ZNF600: variants seen among roughly 807,000 people sequenced by gnomAD.
ZNF600 encodes zinc finger protein 600, also known as zinc finger protein KR-ZNF1.
ZNF600 carries 4 observed loss-of-function variants against 7.3 expected under a neutral mutation model. That is an observed-to-expected ratio of 0.55 (90% CI 0.27 to 1.25). ZNF600 has a LOEUF of 1.25. Ranked by LOEUF, ZNF600 falls within the 50% of genes most tolerant of loss-of-function variation. The probability of loss-of-function intolerance (pLI) is 0.12; values close to 1 mark genes in which losing one functional copy is unlikely to be tolerated. For missense variants in ZNF600, 911 were observed against 922.1 expected (o/e 0.99, Z 0.16); for synonymous variants, 290 against 308.9 (o/e 0.94, Z 0.64).
the ZNF600 span, among the ~76,000 whole-genome samples, chr19:52,792,796 G>T: frequency 1.3e-5 from 2 of 151,002 alleles, no homozygotes; most frequent in African/African-American, 4.9e-5. Flanking sequence ...GCAGTGTTAG[G>T]ATCTCGGCTC....
At chr19:52,788,580 C>T (rs1417042626), upstream of ZNF600, among the ~76,000 whole-genome samples, 2 of 152,134 alleles carry the variant, frequency 1.3e-5, no homozygotes, top group Non-Finnish European at 2.9e-5. Flanking sequence ...CACAGGAAGA[C>T]CTACAAGGGC....
chr19:52,824,384 C>T, the ZNF600 span, among the ~76,000 whole-genome samples: 4 of 152,076 alleles, frequency 2.6e-5, no homozygotes, highest in African/African-American at 7.2e-5. Flanking sequence ...CCTGCAATCC[C>T]GGCACTTTGG....
upstream of ZNF600, among the ~76,000 whole-genome samples, chr19:52,790,037 G>C (rs915989293): frequency 2.0e-5 from 3 of 152,148 alleles, no homozygotes; most frequent in Non-Finnish European, 2.9e-5. Flanking sequence ...AATTTCACAA[G>C]GTAATGTCAT....
chr19:52,805,482 C>T, the ZNF600 span: 6 of 151,380 alleles, frequency 4.0e-5, no homozygotes, highest in African/African-American at 1.2e-4. Context: ...CAAAACTTAG[C>T]TGGGTGTAGT....
the ZNF600 span, among the ~76,000 whole-genome samples, chr19:52,811,891 G>A: frequency 7.5e-6 from 1 of 134,068 alleles, no homozygotes; most frequent in Non-Finnish European, 1.6e-5. Flanking sequence ...GGGAGGTGGG[G>A]GGGACAGCCC....
At chr19:52,773,351 A>C (rs1221063196) in intron 3 of ZNF600, among the ~76,000 whole-genome samples, 1 of 152,228 alleles carries the variant, frequency 6.6e-6, no homozygotes, top group Non-Finnish European at 1.5e-5. Context: ...GATCCAAAAA[A>C]GCAGCAGTAT....
chr19:52,801,122 T>C, the ZNF600 span: 2 of 1,614,136 alleles, frequency 1.2e-6, no homozygotes, highest in South Asian at 1.1e-5. Context: ...ATTTACATTG[T>C]TTCTCTTCTA....
the ZNF600 span, among the ~76,000 whole-genome samples, chr19:52,821,858 G>C: frequency 6.6e-6 from 1 of 151,446 alleles, no homozygotes; most frequent in East Asian, 1.9e-4. Context: ...GGCCGAGATC[G>C]AGCCACTGCA....
the ZNF600 span, among the ~76,000 whole-genome samples, chr19:52,808,674 C>A: frequency 6.6e-6 from 1 of 150,428 alleles, no homozygotes. Context: ...ATTAGCTGGA[C>A]CTGGTGGCAG....
chr19:52,803,059 C>A, the ZNF600 span, among the ~76,000 whole-genome samples: 1 of 151,052 alleles, frequency 6.6e-6, no homozygotes, highest in East Asian at 2.0e-4. Context: ...CCGCACACGG[C>A]CGACTTTTAA....
chr19:52,806,058 T>C, the ZNF600 span: 2 of 152,150 alleles, frequency 1.3e-5, no homozygotes, highest in Non-Finnish European at 2.9e-5. Flanking sequence ...ACTAAACTTT[T>C]TTCATATTTA....
the ZNF600 span, chr19:52,798,768 T>G: frequency 1.5e-6 from 1 of 650,276 alleles, no homozygotes; most frequent in Non-Finnish European, 2.7e-6. Flanking sequence ...TTATTACACT[T>G]GTAAGATCTC....
At chr19:52,829,564 G>A in the ZNF600 span, among the ~76,000 whole-genome samples, 2 of 151,770 alleles carry the variant, frequency 1.3e-5, no homozygotes, top group African/African-American at 4.8e-5. Flanking sequence ...AGTAGAGATG[G>A]GGTTTTACCA....
chr19:52,774,555 G>A lies in ZNF600; in HGVS notation c.190+20C>T, dbSNP rs1369010867. The A allele has an allele frequency of 2.0e-5, 20 of 984,484 alleles. No homozygotes were observed. The East Asian group carries it at 4.6e-4, about 22-fold the overall frequency. 61.0% of individuals were successfully genotyped at this position (984,484 alleles called of 1,614,324 possible). A position where few individuals can be genotyped will look rare whatever the true frequency, so the allele number is the denominator to read the frequency against. ...GACAAGAGCAGACTCCTCATGTCTG[G>A]GGGACATCATTTTCCTCACCCACAG... On this transcript the variant is annotated intron_variant, in intron 3 of 3. Transcript: ENST00000648973.
chr19:52,827,342 G>A, the ZNF600 span, among the ~76,000 whole-genome samples: 2 of 151,786 alleles, frequency 1.3e-5, no homozygotes, highest in Non-Finnish European at 2.9e-5. Context: ...TTTCCAGAAT[G>A]CACAAGATAT....
rs2062696404 is a variant in ZNF600, at chr19:52,778,723, T to C, written c.63+103A>G. 2.0e-6 allele frequency: 3 copies of C among 1,467,978 alleles called. No individual in the cohort carries two copies. In the East Asian group the frequency reaches 7.1e-5, roughly 35 times the overall value. The allele number at this position is 1,467,978 out of a possible 1,614,324, so 90.9% of individuals were successfully genotyped here. On this transcript the variant is annotated intron_variant, in intron 2 of 3. Coordinates refer to ENST00000648973, the Ensembl canonical transcript of ZNF600. Reference sequence around the variant, plus strand: ...AGGCATGGCTGAGTGTGAGTGAACGTGTCAGGCAAAATTCTTCAAACTCAG... The same window carrying C: ...AGGCATGGCTGAGTGTGAGTGAACGCGTCAGGCAAAATTCTTCAAACTCAG...
chr19:52,819,433 T>C, the ZNF600 span, among the ~76,000 whole-genome samples: 2 of 133,026 alleles, frequency 1.5e-5, no homozygotes, highest in African/African-American at 3.1e-5. Flanking sequence ...TGCATCCCAC[T>C]GAAAATTCTA....
intron 3 of ZNF600, among the ~76,000 whole-genome samples, chr19:52,770,214 T>C (rs2062620255): frequency 6.6e-6 from 1 of 152,092 alleles, no homozygotes; most frequent in Non-Finnish European, 1.5e-5. Context: ...GGTGGAGACA[T>C]GTGGAGCACG....
the ZNF600 span, chr19:52,808,168 G>T: frequency 1.2e-6 from 2 of 1,610,384 alleles, no homozygotes; most frequent in African/African-American, 2.7e-5. Context: ...AAATGGTTAT[G>T]GTGGAGTTCT....
Sources: gnomAD v4.1 joint callset for allele counts (sites outside exome capture counted in the v4.1 genomes callset) on GRCh38, gnomAD v4.1.1 for gene constraint, MANE v1.5 for transcripts, NCBI Gene and HGNC (gene_info 2026-07-23, HGNC 2026-07-21) for gene names.